The following SGCZ variants were observed in gnomAD, a reference collection of about 807,000 sequenced individuals.
The protein encoded by SGCZ is sarcoglycan zeta.
SGCZ carries 40 observed loss-of-function variants against 41.3 expected under a neutral mutation model. The observed-to-expected ratio is 0.97, with a 90% confidence interval of 0.75 to 1.26. The LOEUF (loss-of-function observed/expected upper bound fraction) is 1.26. Among genes scored for constraint, SGCZ ranks in the 50% most tolerant of loss-of-function variants. The pLI is 0.00. For missense variants in SGCZ, 552 were observed against 369.8 expected, an observed-to-expected ratio of 1.49 and a Z score of -4.04; for synonymous variants, 206 against 137.5, an observed-to-expected ratio of 1.50 and a Z score of -3.49.
At chr8:14,701,580 T>C (rs1229152843) in intron 1 of SGCZ, among the ~76,000 whole-genome samples, 1 of 152,010 alleles carries the variant, frequency 6.6e-6, no homozygotes, top group African/African-American at 2.4e-5. Flanking sequence ...CTGGTAACTC[T>C]ACAGCATTAT....
intron 2 of SGCZ, among the ~76,000 whole-genome samples, chr8:14,387,057 C>T (rs1324819950): frequency 6.6e-6 from 1 of 152,124 alleles, no homozygotes; most frequent in Admixed American, 6.6e-5. Flanking sequence ...TGTGAAAACA[C>T]ATTTATGTTT....
At chr8:15,011,155 G>C (rs1299486852) in intron 1 of SGCZ, among the ~76,000 whole-genome samples, 1 of 152,124 alleles carries the variant, frequency 6.6e-6, no homozygotes, top group Non-Finnish European at 1.5e-5. Context: ...TATTTAGAGA[G>C]AAATTTTGCT....
chr8:14,441,885 C>G (rs772756479), intron 2 of SGCZ, among the ~76,000 whole-genome samples: 2 of 152,098 alleles, frequency 1.3e-5, no homozygotes, highest in Non-Finnish European at 2.9e-5. Flanking sequence ...TCTTAAAGGC[C>G]TGGGAGAAAA....
chr8:14,273,568 A>C (rs1449444435), intron 3 of SGCZ, among the ~76,000 whole-genome samples: 1 of 152,180 alleles, frequency 6.6e-6, no homozygotes, highest in Non-Finnish European at 1.5e-5. Flanking sequence ...ATTAAGCAAA[A>C]TGTTTAACTA....
At chr8:14,997,991 T>C (rs950975352) in intron 1 of SGCZ, among the ~76,000 whole-genome samples, 3 of 152,160 alleles carry the variant, frequency 2.0e-5, no homozygotes, top group African/African-American at 4.8e-5. Context: ...AGTCATGTCA[T>C]TGTTTCAGCA....
At chr8:14,511,402 T>C (rs578078832) in intron 2 of SGCZ, among the ~76,000 whole-genome samples, 165 of 152,170 alleles carry the variant, frequency 1.1e-3, no homozygotes, top group African/African-American at 3.9e-3. Context: ...ACAAAATCTG[T>C]ATCTTCATTA....
At chr8:14,576,055 A>G (rs17119833) in intron 1 of SGCZ, among the ~76,000 whole-genome samples, 3,090 of 152,294 alleles carry the variant, frequency 0.02, 107 homozygotes, top group African/African-American at 0.07. Context: ...ACATGAATCT[A>G]TACGCATGTA....
intron 4 of SGCZ, among the ~76,000 whole-genome samples, chr8:14,232,982 ACTT>A (rs1431339317): frequency 6.6e-6 from 1 of 152,082 alleles, no homozygotes; most frequent in Admixed American, 6.6e-5. Context: ...GGATTGTGGA[ACTT>A]CTTCTTGTTT....
At chr8:14,312,480 A>T (rs1317213079) in intron 3 of SGCZ, among the ~76,000 whole-genome samples, 3 of 152,134 alleles carry the variant, frequency 2.0e-5, no homozygotes, top group Non-Finnish European at 2.9e-5. Flanking sequence ...TATAAGAAAT[A>T]ATACTGTTGG....
chr8:14,624,416 T>C (rs1806381022), intron 1 of SGCZ, among the ~76,000 whole-genome samples: 1 of 151,840 alleles, frequency 6.6e-6, no homozygotes, highest in Non-Finnish European at 1.5e-5. Flanking sequence ...CATTTACCAA[T>C]AGAAGAGCTG....
At chr8:14,422,994 C>A (rs557872075) in intron 2 of SGCZ, among the ~76,000 whole-genome samples, 1 of 152,182 alleles carries the variant, frequency 6.6e-6, no homozygotes, top group South Asian at 2.1e-4. Flanking sequence ...TGCCATTGTA[C>A]TCCAGCCTGG....
At chr8:14,758,540 A>C (rs1799758838) in intron 1 of SGCZ, among the ~76,000 whole-genome samples, 1 of 152,164 alleles carries the variant, frequency 6.6e-6, no homozygotes, top group South Asian at 2.1e-4. Context: ...TGGGACACCG[A>C]TCAAAGTGTG....
rs201955060 is a variant in SGCZ, at chr8:14,497,578, C to G, written c.234+57154G>C. On this transcript the variant is annotated intron_variant, in intron 2 of 7. Coordinates refer to ENST00000382080, the MANE Select transcript of SGCZ (RefSeq NM_139167.4). ...TGTGCGTATGTGTGTGTGTGTGTGTCTGTGTGTGTGTGTGTGAGAGAGAGA... is the reference window on the plus strand; with the variant it reads ...TGTGCGTATGTGTGTGTGTGTGTGTGTGTGTGTGTGTGTGTGAGAGAGAGA... 9.9e-5 allele frequency among the ~76,000 whole-genome samples: 15 copies of G among 150,878 alleles called. No homozygotes were observed. In the East Asian group the frequency reaches 1.6e-3, roughly 16 times the overall value.
chr8:14,929,890 A>G (rs944539730), intron 1 of SGCZ, among the ~76,000 whole-genome samples: 3 of 152,042 alleles, frequency 2.0e-5, no homozygotes, highest in African/African-American at 7.3e-5. Flanking sequence ...ATTGTTATTT[A>G]CCAAACAATT....
intron 2 of SGCZ, among the ~76,000 whole-genome samples, chr8:14,433,482 A>G (rs1800003494): frequency 6.6e-6 from 1 of 152,136 alleles, no homozygotes. Flanking sequence ...CATCAACTCT[A>G]CTGTGCTGAG....
At chr8:14,645,478 T>TATATATA (rs1807178145) in intron 1 of SGCZ, among the ~76,000 whole-genome samples, 1 of 106,616 alleles carries the variant, frequency 9.4e-6, no homozygotes, top group Admixed American at 9.9e-5. Flanking sequence ...ATATATATAT[T>TATATATA]TATATGTATA....
chr8:14,662,598 G>C (rs989639795), intron 1 of SGCZ, among the ~76,000 whole-genome samples: 1 of 152,182 alleles, frequency 6.6e-6, no homozygotes, highest in African/African-American at 2.4e-5. Context: ...CTGGGTCCCT[G>C]TGTTAGGCTA....
At chr8:15,197,686 C>A (rs141629287) in intron 1 of SGCZ, among the ~76,000 whole-genome samples, 1,908 of 152,196 alleles carry the variant, frequency 0.013, 28 homozygotes, top group Non-Finnish European at 0.019. Context: ...TCCAACCCCA[C>A]AATGCCAGAT....
chr8:14,230,287 T>C (rs1175722614), intron 4 of SGCZ, among the ~76,000 whole-genome samples: 1 of 152,084 alleles, frequency 6.6e-6, no homozygotes. Context: ...TCCCAGAGAC[T>C]TGGTCATGTG....
Sources: allele counts gnomAD v4.1 joint callset (sites outside exome capture counted in the v4.1 genomes callset), GRCh38; gene constraint gnomAD v4.1.1; transcripts MANE v1.5; gene names NCBI Gene and HGNC (gene_info 2026-07-23, HGNC 2026-07-21).